The following PHF24 variants were observed in gnomAD, a reference collection of about 807,000 sequenced individuals.
The protein encoded by PHF24 is Galpha inhibitory interacting protein.
PHF24 carries 25 observed loss-of-function variants against 42.6 expected under a neutral mutation model. That is an observed-to-expected ratio of 0.59 (90% CI 0.43 to 0.82). The LOEUF is 0.82. Ranked by LOEUF, PHF24 falls within the 40% of genes least tolerant of loss-of-function variation. The pLI is 0.00. For missense variants in PHF24, 470 were observed against 538.1 expected (o/e 0.87, Z 1.25); for synonymous variants, 185 against 204.8 (o/e 0.90, Z 0.83).
chr9:34,799,161 T>C, the PHF24 span, among the ~76,000 whole-genome samples: 1 of 151,952 alleles, frequency 6.6e-6, no homozygotes, highest in Admixed American at 6.5e-5. Flanking sequence ...AAAGATTAAG[T>C]GAAAACAAAG....
chr9:34,772,428 C>A, the PHF24 span, among the ~76,000 whole-genome samples: 1 of 151,918 alleles, frequency 6.6e-6, no homozygotes, highest in Admixed American at 6.6e-5. Context: ...CTGGTTTGAA[C>A]CTAAAAGGCT....
the PHF24 span, among the ~76,000 whole-genome samples, chr9:34,896,280 A>G: frequency 6.6e-6 from 1 of 152,260 alleles, no homozygotes; most frequent in African/African-American, 2.4e-5. Flanking sequence ...TGCCACCAGC[A>G]ATGATATATG....
the PHF24 span, among the ~76,000 whole-genome samples, chr9:34,943,653 A>C: frequency 6.6e-6 from 1 of 152,146 alleles, no homozygotes; most frequent in Non-Finnish European, 1.5e-5. Context: ...GGAAAAAAAA[A>C]CTAGGGGATT....
At chr9:34,874,820 T>A in the PHF24 span, among the ~76,000 whole-genome samples, 21,530 of 152,048 alleles carry the variant, frequency 0.14, 2,085 homozygotes, top group Non-Finnish European at 0.21. Context: ...TTTTTTAAAA[T>A]TTTTGTGGGT....
the PHF24 span, among the ~76,000 whole-genome samples, chr9:34,842,579 G>A: frequency 1.3e-5 from 2 of 152,170 alleles, no homozygotes; most frequent in African/African-American, 4.8e-5. Context: ...TGAAGACACA[G>A]CATTTGTCCC....
the PHF24 span, among the ~76,000 whole-genome samples, chr9:34,935,741 G>T: frequency 1.4e-4 from 21 of 151,746 alleles, no homozygotes; most frequent in Non-Finnish European, 2.9e-4. Flanking sequence ...TGTGTGGGGG[G>T]GGGGTGTGTG....
the PHF24 span, among the ~76,000 whole-genome samples, chr9:34,898,169 GT>G: frequency 6.6e-6 from 1 of 152,100 alleles, no homozygotes; most frequent in African/African-American, 2.4e-5. Flanking sequence ...TAATGGCTTC[GT>G]TTCCTCCAGG....
the PHF24 span, among the ~76,000 whole-genome samples, chr9:34,778,906 A>G: frequency 7.2e-5 from 11 of 152,212 alleles, no homozygotes; most frequent in Non-Finnish European, 1.5e-4. Context: ...TCAAAATCAC[A>G]GAAAATATAT....
chr9:34,930,046 C>T, the PHF24 span, among the ~76,000 whole-genome samples: 2 of 152,230 alleles, frequency 1.3e-5, no homozygotes, highest in Admixed American at 1.3e-4. Flanking sequence ...ATAAAGAATA[C>T]TATTTTGGGG....
At chr9:34,765,960 A>C in the PHF24 span, among the ~76,000 whole-genome samples, 1 of 151,648 alleles carries the variant, frequency 6.6e-6, no homozygotes, top group African/African-American at 2.4e-5. Flanking sequence ...TCACTTATGA[A>C]GCTTAGTTTG....
chr9:34,835,246 A>G, the PHF24 span: 1 of 1,552,312 alleles, frequency 6.4e-7, no homozygotes, highest in Non-Finnish European at 8.7e-7. Context: ...AAATGGTCTC[A>G]GATCTGTGAA....
the PHF24 span, among the ~76,000 whole-genome samples, chr9:34,829,688 C>G: frequency 6.6e-6 from 1 of 152,096 alleles, no homozygotes; most frequent in African/African-American, 2.4e-5. Flanking sequence ...TATGCATTAG[C>G]TACTTTCTTA....
the PHF24 span, among the ~76,000 whole-genome samples, chr9:34,695,724 A>G: frequency 6.6e-6 from 1 of 152,232 alleles, no homozygotes; most frequent in African/African-American, 2.4e-5. Context: ...CTTGGTGGGG[A>G]GAAATCCCCA....
At chr9:34,972,567 C>T (rs1563933682) in intron 3 of PHF24, 36 bp downstream of exon 3, 1 of 1,544,040 alleles carries the variant, frequency 6.5e-7, no homozygotes, top group South Asian at 1.2e-5. Flanking sequence ...GAGGACTTGG[C>T]ACTTTTCCTG....
chr9:34,895,068 TG>T, the PHF24 span: 25 of 398,570 alleles, frequency 6.3e-5, no homozygotes, highest in South Asian at 3.2e-3. Flanking sequence ...AGACTTTTGT[TG>T]GACTCTTCGG....
At chr9:34,888,050 G>A in the PHF24 span, among the ~76,000 whole-genome samples, 3 of 151,764 alleles carry the variant, frequency 2.0e-5, no homozygotes, top group East Asian at 1.9e-4. Flanking sequence ...TCTCTGACAC[G>A]GCATGCTGTT....
the PHF24 span, among the ~76,000 whole-genome samples, chr9:34,812,107 G>A: frequency 3.1e-3 from 472 of 152,292 alleles, 1 homozygote; most frequent in African/African-American, 0.011. Flanking sequence ...GCAGTGACAT[G>A]TGCTTGTAAT....
chr9:34,855,093 T>C, the PHF24 span, among the ~76,000 whole-genome samples: 6 of 152,152 alleles, frequency 3.9e-5, no homozygotes, highest in Non-Finnish European at 5.9e-5. Context: ...ACTAGGATTA[T>C]GACCCTGGTT....
At chr9:34,709,539 T>C in the PHF24 span, 7 of 1,614,080 alleles carry the variant, frequency 4.3e-6, no homozygotes, top group South Asian at 7.7e-5. Flanking sequence ...CTTGCCAGTC[T>C]TGGAGGCCCC....
Sources: gnomAD v4.1 joint callset for allele counts (sites outside exome capture counted in the v4.1 genomes callset) on GRCh38, gnomAD v4.1.1 for gene constraint, MANE v1.5 for transcripts, NCBI Gene and HGNC (gene_info 2026-07-23, HGNC 2026-07-21) for gene names.